The following PLEKHH2 variants were observed in gnomAD, a reference collection of about 807,000 sequenced individuals.
PLEKHH2 encodes the protein pleckstrin homology domain-containing family H member 2.
PLEKHH2 carries 129 observed loss-of-function variants against 187.9 expected under a neutral mutation model. The observed-to-expected ratio is 0.69, with a 90% confidence interval of 0.59 to 0.79. PLEKHH2 has a LOEUF of 0.79. Ranked by LOEUF, PLEKHH2 falls within the 30% of genes least tolerant of loss-of-function variation. PLEKHH2 has a pLI of 0.00. For missense variants in PLEKHH2, 2,076 were observed against 1,751.2 expected, an observed-to-expected ratio of 1.19 and a Z score of -3.31; for synonymous variants, 686 against 605.6, an observed-to-expected ratio of 1.13 and a Z score of -1.95.
chr2:43,669,189 C>G lies in PLEKHH2; in HGVS notation c.124-9674C>G, dbSNP rs571779282. 3.3e-5 allele frequency among the ~76,000 whole-genome samples: 5 copies of G among 152,238 alleles called. No homozygotes were observed. In the East Asian group the frequency reaches 9.7e-4, roughly 29 times the overall value. ...CTAGACACTGGTTCAAATACCCAGA[C>G]TCAAAGTAATCACCATGCAAGCAGA... On this transcript the variant is annotated intron_variant, in intron 2 of 29. Transcript: ENST00000282406.
At chr2:43,741,648 A>T (rs1291942121) in intron 21 of PLEKHH2, among the ~76,000 whole-genome samples, 1 of 152,252 alleles carries the variant, frequency 6.6e-6, no homozygotes, top group Non-Finnish European at 1.5e-5. Context: ...CAAACAAATA[A>T]ACAAACCCAA....
At chr2:43,666,322 C>G (rs892131488) in intron 2 of PLEKHH2, among the ~76,000 whole-genome samples, 3 of 151,394 alleles carry the variant, frequency 2.0e-5, no homozygotes, top group African/African-American at 7.4e-5. Flanking sequence ...ATGCCTCGCC[C>G]TGCTTCGGCT....
chr2:43,646,739 T>C (rs12104440), intron 2 of PLEKHH2, among the ~76,000 whole-genome samples: 91,813 of 151,710 alleles, frequency 0.61, 28,636 homozygotes, highest in African/African-American at 0.72. Context: ...GTTTTCTTTG[T>C]CAGTGAATGA....
chr2:43,718,383 C>G lies in PLEKHH2; in HGVS notation c.2461-2286C>G, dbSNP rs571188139. ...TGAAACCCTGTCTCTACTAAAAATA[C>G]AAAAATTAGCTGGCCATGGTAGCAC... On this transcript the variant is annotated intron_variant, in intron 15 of 29. Transcript: ENST00000282406. Among the ~76,000 whole-genome samples the G allele has an allele frequency of 1.6e-4, 24 of 152,006 alleles. No individual in the cohort carries two copies. The South Asian group carries it at 4.8e-3, about 30-fold the overall frequency.
At chr2:43,721,588 A>G (rs1033199133) in intron 16 of PLEKHH2, among the ~76,000 whole-genome samples, 1 of 152,176 alleles carries the variant, frequency 6.6e-6, no homozygotes, top group Non-Finnish European at 1.5e-5. Flanking sequence ...TACAGCCATT[A>G]AAAACAATAC....
At chr2:43,710,700 T>C (rs1669922704) in intron 14 of PLEKHH2, 125 bp downstream of exon 14, 4 of 1,461,846 alleles carry the variant, frequency 2.7e-6, no homozygotes, top group Non-Finnish European at 3.6e-6. Flanking sequence ...GGGGGTTAGT[T>C]TGATGCCTTG....
rs1328659716 is a variant in PLEKHH2 at position 43,640,562 on chromosome 2, AATGT to A, written c.-4+3187_-4+3190del. 2.0e-5 allele frequency among the ~76,000 whole-genome samples: 3 copies of A among 152,156 alleles called. 1 individual carries two copies. Among genetic ancestry groups the A allele is most frequent in the Non-Finnish European group, 4.4e-5 (3 of 68,036 alleles). On this transcript the variant is annotated intron_variant, in intron 1 of 29. Transcript: ENST00000282406. Reference sequence around the variant, plus strand: ...GTACCATTTTTACATTCCCACCAACAATGTATGAGGGTTCCCATTTCTCTACATC... The same window carrying A: ...GTACCATTTTTACATTCCCACCAACAATGAGGGTTCCCATTTCTCTACATC...
chr2:43,729,225 A>G (rs958907168), intron 17 of PLEKHH2, among the ~76,000 whole-genome samples: 2 of 152,230 alleles, frequency 1.3e-5, no homozygotes, highest in Non-Finnish European at 1.5e-5. Context: ...TCTTTGGTGA[A>G]TGGGATAAGA....
At chr2:43,638,481 C>T (rs1220697879) in intron 1 of PLEKHH2, among the ~76,000 whole-genome samples, 1 of 152,132 alleles carries the variant, frequency 6.6e-6, no homozygotes, top group African/African-American at 2.4e-5. Flanking sequence ...GCATTCACTC[C>T]ACAATTGTAA....
intron 25 of PLEKHH2, among the ~76,000 whole-genome samples, chr2:43,754,697 G>C (rs1672143742): frequency 6.6e-6 from 1 of 152,222 alleles, no homozygotes; most frequent in African/African-American, 2.4e-5. Flanking sequence ...CTGCCATATG[G>C]CATCTGGACC....
intron 15 of PLEKHH2, 85 bp downstream of exon 15, chr2:43,712,468 A>G: frequency 1.4e-6 from 2 of 1,420,012 alleles, no homozygotes; most frequent in Non-Finnish European, 1.9e-6. Context: ...CAGAGCATAT[A>G]CATATATTGA....
chr2:43,676,468 G>A, intron 2 of PLEKHH2: 1 of 637,670 alleles, frequency 1.6e-6, no homozygotes, highest in Non-Finnish European at 2.6e-6. Flanking sequence ...TAGAGAAGGG[G>A]GCGGGGCAGG....
chr2:43,715,889 G>A (rs1488924241), intron 15 of PLEKHH2, among the ~76,000 whole-genome samples: 1 of 152,054 alleles, frequency 6.6e-6, no homozygotes, highest in African/African-American at 2.4e-5. Context: ...CATACATGTG[G>A]CAATTATGGG....
chr2:43,758,698 G>A (rs1393215874), intron 26 of PLEKHH2, among the ~76,000 whole-genome samples: 1 of 152,212 alleles, frequency 6.6e-6, no homozygotes, highest in African/African-American at 2.4e-5. Context: ...AATAGTATGA[G>A]AATTTGGTGA....
intron 1 of PLEKHH2, among the ~76,000 whole-genome samples, chr2:43,639,823 A>G (rs1703289786): frequency 6.6e-6 from 1 of 151,876 alleles, no homozygotes; most frequent in Non-Finnish European, 1.5e-5. Context: ...TGCCTGGCTA[A>G]TTTTTGTATT....
At chr2:43,654,710 C>A (rs1026422614) in intron 2 of PLEKHH2, among the ~76,000 whole-genome samples, 4 of 131,892 alleles carry the variant, frequency 3.0e-5, no homozygotes, top group Admixed American at 7.6e-5. Flanking sequence ...AGACACCCCC[C>A]CCCCCCGCAT....
intron 2 of PLEKHH2, among the ~76,000 whole-genome samples, chr2:43,648,212 A>G (rs769501097): frequency 1.3e-5 from 2 of 151,990 alleles, no homozygotes; most frequent in Non-Finnish European, 2.9e-5. Flanking sequence ...TTTTTGAGAC[A>G]GAGTCTTGCT....
intron 17 of PLEKHH2, 68 bp downstream of exon 17, chr2:43,726,519 TATCAA>T: frequency 7.1e-7 from 1 of 1,414,078 alleles, no homozygotes; most frequent in Non-Finnish European, 9.7e-7. Context: ...TGGTAATAAT[TATCAA>T]ATCAATTTAA....
rs755555083 is a variant in PLEKHH2 at position 43,676,925 on chromosome 2, A to G, written c.124-1938A>G. ...TGATGTCATTATGACTTTTTGATCA[A>G]GCGGTCAAATAGGACATTTGAAGCC... On this transcript the variant is annotated intron_variant, in intron 2 of 29. Coordinates refer to ENST00000282406, the MANE Select transcript of PLEKHH2 (RefSeq NM_172069.4). 5.9e-5 allele frequency among the ~76,000 whole-genome samples: 9 copies of G among 152,142 alleles called. No homozygotes were observed. In the East Asian group the frequency reaches 9.7e-4, roughly 16 times the overall value.
Sources: allele counts gnomAD v4.1 joint callset (sites outside exome capture counted in the v4.1 genomes callset), GRCh38; gene constraint gnomAD v4.1.1; transcripts MANE v1.5; gene names NCBI Gene and HGNC (gene_info 2026-07-23, HGNC 2026-07-21).